Variants in PPP1R9A observed in about 807,000 individuals in gnomAD.
The protein encoded by PPP1R9A is neurabin-1.
In PPP1R9A, 59 loss-of-function variants were observed where a neutral mutation model predicts 141.9. The ratio of observed to expected loss-of-function variants is 0.42; its 90% CI spans 0.34 to 0.52. The LOEUF (loss-of-function observed/expected upper bound fraction) is 0.52, where lower values mean the gene tolerates loss of function less well. Ranked by LOEUF, PPP1R9A falls within the 20% of genes least tolerant of loss-of-function variation. The pLI is 0.10. For synonymous variants in PPP1R9A, 500 were observed against 569.7 expected (o/e 0.88, Z 1.74); for missense variants, 1,444 against 1,611.9 (o/e 0.90, Z 1.78).
At chr7:95,243,152 G>A (rs1212632311) in intron 8 of PPP1R9A, among the ~76,000 whole-genome samples, 1 of 152,106 alleles carries the variant, frequency 6.6e-6, no homozygotes, top group East Asian at 1.9e-4. Flanking sequence ...TGCTTGGAAA[G>A]TAGGGTCCAC....
At chr7:94,976,266 A>T (rs2151279574) in intron 2 of PPP1R9A, among the ~76,000 whole-genome samples, 1 of 152,070 alleles carries the variant, frequency 6.6e-6, no homozygotes, top group Non-Finnish European at 1.5e-5. Context: ...TTATTACGGC[A>T]TTGTTTATTA....
intron 7 of PPP1R9A, among the ~76,000 whole-genome samples, chr7:95,209,528 A>G (rs867708698): frequency 6.6e-6 from 1 of 152,202 alleles, no homozygotes; most frequent in Non-Finnish European, 1.5e-5. Flanking sequence ...AGCACTTTGC[A>G]AGAAGGAATG....
intron 8 of PPP1R9A, among the ~76,000 whole-genome samples, chr7:95,231,048 T>A (rs1336738830): frequency 6.6e-6 from 1 of 151,734 alleles, no homozygotes; most frequent in Admixed American, 6.6e-5. Context: ...AAACTTAAGG[T>A]AAAGGGGTGG....
chr7:95,090,827 A>T (rs376955865), intron 2 of PPP1R9A, among the ~76,000 whole-genome samples: 2 of 151,972 alleles, frequency 1.3e-5, no homozygotes, highest in Non-Finnish European at 2.9e-5. Context: ...AAAAGAAAAA[A>T]ATCATTCATA....
At chr7:95,152,274 TA>T (rs1828839983) in intron 4 of PPP1R9A, among the ~76,000 whole-genome samples, 1 of 152,182 alleles carries the variant, frequency 6.6e-6, no homozygotes, top group African/African-American at 2.4e-5. Flanking sequence ...ATGAGAAGCA[TA>T]ATCTCTTAAA....
At chr7:94,963,230 A>G (rs1486493794) in intron 2 of PPP1R9A, among the ~76,000 whole-genome samples, 1 of 152,168 alleles carries the variant, frequency 6.6e-6, no homozygotes, top group African/African-American at 2.4e-5. Context: ...TTTTGGGTTT[A>G]CCAGTTATGC....
chr7:95,042,050 G>A (rs548625407), intron 2 of PPP1R9A, among the ~76,000 whole-genome samples: 8 of 152,168 alleles, frequency 5.3e-5, no homozygotes, highest in Admixed American at 6.5e-5. Flanking sequence ...CATCCATCTC[G>A]AGGCCCTTGG....
chr7:94,958,484 G>GT (rs1240735608), intron 2 of PPP1R9A, among the ~76,000 whole-genome samples: 1 of 151,970 alleles, frequency 6.6e-6, no homozygotes, highest in African/African-American at 2.4e-5. Context: ...TATTCACCAA[G>GT]TGAATGGGTA....
At chr7:94,931,858 G>A (rs1185321448) in intron 2 of PPP1R9A, among the ~76,000 whole-genome samples, 2 of 152,206 alleles carry the variant, frequency 1.3e-5, no homozygotes, top group East Asian at 3.9e-4. Flanking sequence ...GATTACAGGT[G>A]TGAGCCACCG....
chr7:95,054,226 C>G (rs1004716381), intron 2 of PPP1R9A, among the ~76,000 whole-genome samples: 5 of 151,724 alleles, frequency 3.3e-5, no homozygotes, highest in Admixed American at 3.3e-4. Context: ...AGCTATTCCC[C>G]TGCCTTGGCC....
intron 2 of PPP1R9A, among the ~76,000 whole-genome samples, chr7:94,933,977 C>T (rs10252856): frequency 0.57 from 87,159 of 152,026 alleles, 25,361 homozygotes; most frequent in South Asian, 0.73. Context: ...AAAGTAAAGA[C>T]GTATGTTCTC....
chr7:95,070,179 C>G (rs1813563477), intron 2 of PPP1R9A, among the ~76,000 whole-genome samples: 1 of 152,048 alleles, frequency 6.6e-6, no homozygotes, highest in South Asian at 2.1e-4. Context: ...ATGTAACATT[C>G]CAGTGGCACC....
At chr7:94,965,955 T>C (rs1353535798) in intron 2 of PPP1R9A, among the ~76,000 whole-genome samples, 1 of 152,238 alleles carries the variant, frequency 6.6e-6, no homozygotes, top group Non-Finnish European at 1.5e-5. Flanking sequence ...TCCATGAGTA[T>C]GGAATGTTTT....
At chr7:95,212,860 G>T (rs1394422383) in intron 7 of PPP1R9A, among the ~76,000 whole-genome samples, 1 of 152,206 alleles carries the variant, frequency 6.6e-6, no homozygotes, top group African/African-American at 2.4e-5. Flanking sequence ...TCTTTAACCA[G>T]TTGGGTCTGG....
chr7:95,070,730 T>C (rs1813701841), intron 2 of PPP1R9A, among the ~76,000 whole-genome samples: 1 of 151,508 alleles, frequency 6.6e-6, no homozygotes, highest in Non-Finnish European at 1.5e-5. Flanking sequence ...TTTGTGATTA[T>C]TTGGAGCATT....
chr7:94,977,439 T>C (rs1042698264), intron 2 of PPP1R9A, among the ~76,000 whole-genome samples: 6 of 152,194 alleles, frequency 3.9e-5, no homozygotes, highest in Middle Eastern at 3.2e-3. Flanking sequence ...TGATCAGTTT[T>C]GTTAAATGTT....
chr7:95,158,496 C>T (rs556510734), intron 4 of PPP1R9A, among the ~76,000 whole-genome samples: 7 of 151,926 alleles, frequency 4.6e-5, no homozygotes, highest in Admixed American at 2.0e-4. Flanking sequence ...CCCCCACCTC[C>T]CCAAAAAAGG....
chr7:95,287,267 A>C, intron 18 of PPP1R9A: 2 of 1,123,844 alleles, frequency 1.8e-6, no homozygotes, highest in Admixed American at 3.5e-5. Flanking sequence ...TCCTTGTGTT[A>C]AATAGCTTTA....
chr7:95,051,275 G>T (rs1450077640), intron 2 of PPP1R9A, among the ~76,000 whole-genome samples: 2 of 150,568 alleles, frequency 1.3e-5, no homozygotes, highest in African/African-American at 2.4e-5. Flanking sequence ...TTGCTCTTTT[G>T]TCAAAGATCA....
Sources: allele counts gnomAD v4.1 joint callset (sites outside exome capture counted in the v4.1 genomes callset), GRCh38; gene constraint gnomAD v4.1.1; transcripts MANE v1.5; gene names NCBI Gene and HGNC (gene_info 2026-07-23, HGNC 2026-07-21).